PTPRS: variants seen among roughly 807,000 people sequenced by gnomAD.
PTPRS encodes receptor-type tyrosine-protein phosphatase S.
PTPRS carries 63 observed loss-of-function variants against 215.3 expected under a neutral mutation model. The ratio of observed to expected loss-of-function variants is 0.29; its 90% CI spans 0.24 to 0.36. The LOEUF (loss-of-function observed/expected upper bound fraction) is 0.36. Among genes scored for constraint, PTPRS ranks in the 10% least tolerant of loss-of-function variants. The pLI, the probability that PTPRS is intolerant of heterozygous loss-of-function variation, is 1.00. For synonymous variants in PTPRS, 1,404 were observed against 1,191.4 expected (o/e 1.18, Z -3.68); for missense variants, 2,258 against 2,825.8 (o/e 0.80, Z 4.56).
chr19:5,289,029 T>C (rs1022478183), intron 1 of PTPRS, among the ~76,000 whole-genome samples: 1 of 139,632 alleles, frequency 7.2e-6, no homozygotes, highest in African/African-American at 3.4e-5. Context: ...ATTTGGGGCA[T>C]TGGATGATGT....
chr19:5,256,179 T>C, intron 8 of PTPRS, 60 bp from the exon 9 acceptor site: 3 of 1,396,116 alleles, frequency 2.1e-6, no homozygotes, highest in Non-Finnish European at 2.9e-6. Flanking sequence ...AGAGAAAAAA[T>C]AGGGGAGATA....
At position 5,211,747 on chromosome 19, in the gene PTPRS, G is replaced by T. The variant is rs761038687; in HGVS notation, c.5077C>A (p.His1693Asn). 6 of 1,613,186 alleles carry T rather than the reference G, an allele frequency of 3.7e-6. No individual in the cohort carries two copies. In the South Asian group the frequency reaches 6.6e-5, roughly 18 times the overall value. ...TTGGCACTGATGAAGCGTGACGTGTGGGCCTTGGAGTTAGCCAGCCGCTGT... is the reference window on the plus strand; with the variant it reads ...TTGGCACTGATGAAGCGTGACGTGTTGGCCTTGGAGTTAGCCAGCCGCTGT... ...EFKRLANSKA[H>N]TSRFISANLP... is the part of the protein sequence containing the mutation. Residue 1693 changes from histidine (H) to asparagine (N), a missense_variant, in exon 33 of 38, where the codon CAC becomes AAC. By Grantham distance (68) the His-to-Asn change is moderately conservative. Coordinates refer to ENST00000262963, the MANE Select transcript of PTPRS (RefSeq NM_002850.4).
chr19:5,307,516 G>T (rs979166324), intron 1 of PTPRS, among the ~76,000 whole-genome samples: 2 of 151,752 alleles, frequency 1.3e-5, no homozygotes, highest in Non-Finnish European at 2.9e-5. Flanking sequence ...ATTTTTAAGT[G>T]GGGGGGAAGA....
intron 28 of PTPRS, among the ~76,000 whole-genome samples, chr19:5,214,999 C>T (rs996193952): frequency 6.6e-6 from 1 of 152,272 alleles, no homozygotes; most frequent in African/African-American, 2.4e-5. Context: ...AGCAACATTT[C>T]TTCCCTTCAA....
intron 16 of PTPRS, among the ~76,000 whole-genome samples, chr19:5,227,317 C>T (rs1016767141): frequency 6.6e-6 from 1 of 152,010 alleles, no homozygotes; most frequent in African/African-American, 2.4e-5. Context: ...TCCCAAAGTG[C>T]TGGGATTACA....
At chr19:5,331,085 C>T (rs1400069421) in intron 1 of PTPRS, among the ~76,000 whole-genome samples, 1 of 145,618 alleles carries the variant, frequency 6.9e-6, no homozygotes, top group Non-Finnish European at 1.5e-5. Context: ...CCTGATTTCT[C>T]TCGCTGTCTT....
intron 23 of PTPRS, 157 bp from the exon 24 acceptor site, chr19:5,218,955 G>A: frequency 1.3e-6 from 1 of 798,942 alleles, no homozygotes; most frequent in Non-Finnish European, 1.9e-6. Context: ...TTTCCTGTTT[G>A]TCCCCCTGCC....
At position 5,294,991 on chromosome 19, in the gene PTPRS, G is replaced by T. The variant is rs954683162; in HGVS notation, c.-94-8757C>A. On this transcript the variant is annotated intron_variant, in intron 1 of 37. Coordinates refer to ENST00000262963, the MANE Select transcript of PTPRS (RefSeq NM_002850.4). The surrounding 1 kb of genome is among the most constrained non-coding windows in gnomAD (Gnocchi z 5.1). ...ACCAAAGGCACACAGGAGGTTCCCT[G>T]TGTCAATGTAGGCGTAGGAGCAACC... Among the ~76,000 whole-genome samples, 7 of 152,188 alleles carry T rather than the reference G, an allele frequency of 4.6e-5. No individual in the cohort carries two copies. The highest frequency in any genetic ancestry group is 1.7e-4 in the African/African-American group (7 of 41,446).
At chr19:5,252,797 CAGG>C (rs1236784375) in intron 9 of PTPRS, among the ~76,000 whole-genome samples, 2 of 142,486 alleles carry the variant, frequency 1.4e-5, no homozygotes, top group East Asian at 4.0e-4. Flanking sequence ...TCATTGAACC[CAGG>C]AGGAGGAGGT....
At chr19:5,226,286 A>G (rs141702238) in intron 16 of PTPRS, among the ~76,000 whole-genome samples, 2 of 152,328 alleles carry the variant, frequency 1.3e-5, no homozygotes, top group African/African-American at 2.4e-5. Flanking sequence ...TGCACCAGGC[A>G]CAGCCTGCCT....
chr19:5,208,718 G>C (rs1269951639), intron 35 of PTPRS, among the ~76,000 whole-genome samples: 1 of 151,970 alleles, frequency 6.6e-6, no homozygotes, highest in Non-Finnish European at 1.5e-5. Context: ...CAATCCAATG[G>C]TACTGCTTTC....
chr19:5,267,779 A>T (rs1185627983), intron 4 of PTPRS, among the ~76,000 whole-genome samples: 2 of 141,722 alleles, frequency 1.4e-5, no homozygotes, highest in East Asian at 2.1e-4. Flanking sequence ...CAGTGCTGTT[A>T]AGACCAAGAA....
rs529393254 is a variant in PTPRS, at chr19:5,243,893, C to T, written c.1570+8G>A. ...GGGGCCCCGAGTCCTGCCGACCCCACGCCTCACCTCCCTGCTGCGTCTTGA... is the reference window on the plus strand; with the variant it reads ...GGGGCCCCGAGTCCTGCCGACCCCATGCCTCACCTCCCTGCTGCGTCTTGA... On this transcript the variant is annotated splice_region_variant and intron_variant, in intron 11 of 37. Coordinates refer to ENST00000262963, the MANE Select transcript of PTPRS (RefSeq NM_002850.4). 14 of 1,482,694 alleles carry T rather than the reference C, an allele frequency of 9.4e-6. No homozygotes were observed. The highest frequency in any genetic ancestry group is 1.2e-5 in the Non-Finnish European group (14 of 1,120,218). 91.8% of individuals were successfully genotyped at this position (1,482,694 alleles called of 1,614,324 possible).
chr19:5,252,414 C>G (rs906127398), intron 9 of PTPRS, among the ~76,000 whole-genome samples: 6 of 149,334 alleles, frequency 4.0e-5, no homozygotes, highest in Non-Finnish European at 8.9e-5. Context: ...CTGTCTCTAC[C>G]AGAAATACAA....
At chr19:5,285,270 C>T (rs1356043334) in intron 2 of PTPRS, among the ~76,000 whole-genome samples, 1 of 152,184 alleles carries the variant, frequency 6.6e-6, no homozygotes, top group Admixed American at 6.5e-5. Flanking sequence ...AGTCTCTTGC[C>T]CTACTGCCCT....
chr19:5,319,411 G>GT (rs2049965406), intron 1 of PTPRS, among the ~76,000 whole-genome samples: 1 of 141,290 alleles, frequency 7.1e-6, no homozygotes, highest in Non-Finnish European at 1.5e-5. Flanking sequence ...GCCAGACCTT[G>GT]TCTTTTTTTT....
At chr19:5,259,382 G>A (rs2045813751) in intron 7 of PTPRS, among the ~76,000 whole-genome samples, 1 of 152,140 alleles carries the variant, frequency 6.6e-6, no homozygotes, top group Admixed American at 6.5e-5. Flanking sequence ...CTGTGCCCAT[G>A]AGAAAATGAA....
At position 5,258,057 on chromosome 19, in the gene PTPRS, G is replaced by C; in HGVS notation, c.666C>G (p.Ala222=). ...GKYECVATNS[A]GVRYSSPANL... is the part of the protein sequence containing the mutation. ...TGGCAGGTGAGGAGTAGCGCACGCC[G>C]GCGCTGTTGGTGGCCACACACTCAT... Residue 222 remains alanine, a synonymous_variant, in exon 8 of 38, where the codon GCC becomes GCG. Transcript: ENST00000262963. 6.2e-7 allele frequency: 1 copy of C among 1,614,144 alleles called. No homozygotes were observed. The highest frequency in any genetic ancestry group is 1.1e-5 in the South Asian group (1 of 91,086).
rs1253780993 is a variant in PTPRS, at chr19:5,295,364, C to T, written c.-94-9130G>A. 1.1e-4 allele frequency among the ~76,000 whole-genome samples: 17 copies of T among 152,236 alleles called. No individual in the cohort carries two copies. Among genetic ancestry groups the T allele is most frequent in the Admixed American group, 1.0e-3 (16 of 15,288 alleles). ...TCCTGCCCTCTCTGGGCCTCTTGTC[C>T]ATGTCTCTGTGGAGGCAGACTCTTG... On this transcript the variant is annotated intron_variant, in intron 1 of 37. Coordinates refer to ENST00000262963, the MANE Select transcript of PTPRS (RefSeq NM_002850.4). The surrounding 1 kb of genome is among the most constrained non-coding windows in gnomAD (Gnocchi z 4.6).
Sources: gnomAD v4.1 joint callset for allele counts (sites outside exome capture counted in the v4.1 genomes callset) on GRCh38, gnomAD v4.1.1 for gene constraint, Gnocchi (gnomAD v3.1) non-coding constraint, MANE v1.5 for transcripts, NCBI Gene and HGNC (gene_info 2026-07-23, HGNC 2026-07-21) for gene names.